Variants in PARG observed in about 807,000 individuals in gnomAD.
The protein encoded by PARG is mitochondrial poly(ADP-ribose) glycohydrolase.
PARG carries 35 observed loss-of-function variants against 113.0 expected under a neutral mutation model. That is an observed-to-expected ratio of 0.31 (90% CI 0.24 to 0.41). The LOEUF (loss-of-function observed/expected upper bound fraction) is 0.41, where lower values mean the gene tolerates loss of function less well. PARG is among the 10% of genes least tolerant of loss of function. The pLI, the probability that PARG is intolerant of heterozygous loss-of-function variation, is 1.00. For missense variants in PARG, 797 were observed against 1,169.4 expected (o/e 0.68, Z 4.64); for synonymous variants, 330 against 409.9 (o/e 0.81, Z 2.36).
chr10:49,843,480 TGA>T (rs35777065), intron 14 of PARG, 72 bp downstream of exon 14: 186,347 of 836,522 alleles, frequency 0.22, 23,152 homozygotes, highest in Non-Finnish European at 0.27. Context: ...GTAGACAGAA[TGA>T]GAGTGTGTGA....
chr10:49,886,970 T>A (rs2664503), intron 7 of PARG, among the ~76,000 whole-genome samples: 10 of 152,106 alleles, frequency 6.6e-5, no homozygotes, highest in Admixed American at 2.0e-4. Flanking sequence ...CTTCTCTATA[T>A]CTGAAATGTA....
At chr10:49,836,888 A>G (rs571779197) in intron 15 of PARG, among the ~76,000 whole-genome samples, 94 of 152,222 alleles carry the variant, frequency 6.2e-4, no homozygotes, top group Non-Finnish European at 1.2e-3. Context: ...AAAGCTCCAC[A>G]AAACATATTC....
intron 8 of PARG, among the ~76,000 whole-genome samples, chr10:49,882,369 A>C (rs1554839609): frequency 6.6e-6 from 1 of 151,206 alleles, no homozygotes; most frequent in Non-Finnish European, 1.5e-5. Flanking sequence ...ATAAATTATT[A>C]AACACCAACA....
intron 7 of PARG, among the ~76,000 whole-genome samples, chr10:49,904,815 C>T (rs1328078606): frequency 1.3e-5 from 2 of 152,080 alleles, no homozygotes; most frequent in Non-Finnish European, 1.5e-5. Flanking sequence ...ACTCAGGAGG[C>T]TGAGGCAGGA....
At chr10:49,862,185 TA>T (rs1846286542) in intron 11 of PARG, among the ~76,000 whole-genome samples, 1 of 151,604 alleles carries the variant, frequency 6.6e-6, no homozygotes, top group Non-Finnish European at 1.5e-5. Flanking sequence ...CAGATAAACT[TA>T]GTACCTGTAA....
intron 7 of PARG, among the ~76,000 whole-genome samples, chr10:49,901,733 A>T (rs1238696529): frequency 2.0e-5 from 3 of 152,032 alleles, no homozygotes; most frequent in Non-Finnish European, 4.4e-5. Flanking sequence ...AAAATGGACA[A>T]GTTCTACTCA....
At position 49,937,369 on chromosome 10, in the gene PARG, G is replaced by A. The variant is rs1304282435; in HGVS notation, c.218-2227C>T. Among the ~76,000 whole-genome samples, 10 of 152,020 alleles carry A rather than the reference G, an allele frequency of 6.6e-5. No individual in the cohort carries two copies. In the South Asian group the frequency reaches 2.1e-3, roughly 32 times the overall value. ...CGGGCGCCTGTAGTCCCAGCTACTC[G>A]GGAGGCTGAGGCAGGAGAATGGCGT... On this transcript the variant is annotated intron_variant, in intron 1 of 17. Transcript: ENST00000616448.
chr10:49,891,278 C>A (rs191315593), intron 7 of PARG, among the ~76,000 whole-genome samples: 14 of 152,218 alleles, frequency 9.2e-5, no homozygotes, highest in African/African-American at 3.4e-4. Flanking sequence ...CGTGCCACTG[C>A]ACTTCCGCCT....
At position 49,934,101 on chromosome 10, in the gene PARG, T is replaced by A; in HGVS notation, c.347A>T (p.Asp116Val). 1 of 1,354,178 alleles carries A rather than the reference T, an allele frequency of 7.4e-7. No individual in the cohort carries two copies. Among genetic ancestry groups the A allele is most frequent in the Non-Finnish European group, 1.1e-6 (1 of 942,478 alleles). 83.9% of individuals were successfully genotyped at this position (1,354,178 alleles called of 1,614,324 possible). ...TTCTACATTATGTTGGTAAAAGTTA[T>A]CTTTTTGTACAGAACTCATCATGGA... Reference protein sequence around the residue: ...IESMMSSVQKDNFYQHNVEKL... With the variant: ...IESMMSSVQKVNFYQHNVEKL... Residue 116 changes from aspartate (D) to valine (V), a missense_variant, in exon 3 of 18, where the codon GAT (aspartate) becomes GTT (valine). Coordinates refer to ENST00000616448, the MANE Select transcript of PARG (RefSeq NM_003631.5).
intron 7 of PARG, among the ~76,000 whole-genome samples, chr10:49,889,672 G>A (rs1847672154): frequency 6.6e-6 from 1 of 152,188 alleles, no homozygotes; most frequent in African/African-American, 2.4e-5. Flanking sequence ...TAAACCTAAA[G>A]ATATTAAACC....
intron 15 of PARG, among the ~76,000 whole-genome samples, chr10:49,837,395 T>C (rs1554831323): frequency 7.3e-6 from 1 of 136,582 alleles, no homozygotes; most frequent in Non-Finnish European, 1.6e-5. Flanking sequence ...GGCATGCATA[T>C]ATACACACAC....
intron 16 of PARG, among the ~76,000 whole-genome samples, chr10:49,820,817 A>G (rs1425725174): frequency 6.6e-6 from 1 of 152,132 alleles, no homozygotes; most frequent in African/African-American, 2.4e-5. Context: ...TCATCAAACT[A>G]TAGAATTCCA....
intron 6 of PARG, among the ~76,000 whole-genome samples, chr10:49,919,106 A>C (rs1479118307): frequency 1.3e-5 from 2 of 151,990 alleles, no homozygotes; most frequent in Non-Finnish European, 2.9e-5. Flanking sequence ...GTGCCCGGCT[A>C]ATTTTTATAT....
At chr10:49,880,585 T>C (rs1417350831) in intron 8 of PARG, among the ~76,000 whole-genome samples, 1 of 152,206 alleles carries the variant, frequency 6.6e-6, no homozygotes, top group African/African-American at 2.4e-5. Context: ...TTTATTCTGT[T>C]TGTAAACCAA....
intron 7 of PARG, among the ~76,000 whole-genome samples, chr10:49,894,044 G>A (rs1168856373): frequency 6.6e-6 from 1 of 151,550 alleles, no homozygotes; most frequent in African/African-American, 2.4e-5. Context: ...TGTCCAGACT[G>A]GTATTGAACT....
chr10:49,897,305 C>T (rs1848136262), intron 7 of PARG, among the ~76,000 whole-genome samples: 1 of 152,090 alleles, frequency 6.6e-6, no homozygotes. Context: ...GATGATGATG[C>T]ATTATTTTAC....
intron 7 of PARG, among the ~76,000 whole-genome samples, chr10:49,887,961 T>C (rs1847578751): frequency 6.6e-6 from 1 of 152,182 alleles, no homozygotes; most frequent in Non-Finnish European, 1.5e-5. Context: ...TTTCCCTTCC[T>C]CCTTATGGGT....
At chr10:49,834,479 C>T (rs1844818193) in intron 15 of PARG, among the ~76,000 whole-genome samples, 1 of 152,066 alleles carries the variant, frequency 6.6e-6, no homozygotes, top group South Asian at 2.1e-4. Flanking sequence ...GAATTTGAAA[C>T]ATTTAAATTA....
Position 49,933,477 on chromosome 10 carries a change from G to C in PARG, c.971C>G (p.Pro324Arg). ...QDSEADEETS[P>R]GFDEQEDGSS... The stretch of plus-strand genomic sequence containing the variant: ...ACCATCTTCTTGTTCATCAAAACCT[G>C]GACTTGTCTCCTCATCTGCTTCTGA... The change falls in exon 3 of 18, where the codon CCA (proline) becomes CGA (arginine). Residue 324 changes from proline to arginine, a missense_variant. Physicochemically the swap from Pro to Arg is moderately radical, Grantham distance 103. Transcript: ENST00000616448. 6.2e-7 allele frequency: 1 copy of C among 1,610,364 alleles called. No homozygotes were observed. The highest frequency in any genetic ancestry group is 1.1e-5 in the South Asian group (1 of 90,898).
Sources: allele counts gnomAD v4.1 joint callset (sites outside exome capture counted in the v4.1 genomes callset), GRCh38; gene constraint gnomAD v4.1.1; transcripts MANE v1.5; gene names NCBI Gene and HGNC (gene_info 2026-07-23, HGNC 2026-07-21).